RAB3GAP2: variants seen among roughly 807,000 people sequenced by gnomAD.
RAB3GAP2 encodes the protein rab3 GTPase-activating protein non-catalytic subunit.
In RAB3GAP2, 87 loss-of-function variants were observed where a neutral mutation model predicts 185.3. The observed-to-expected ratio is 0.47, with a 90% confidence interval of 0.39 to 0.56. RAB3GAP2 has a LOEUF of 0.56. Ranked by LOEUF, RAB3GAP2 falls within the 20% of genes least tolerant of loss-of-function variation. RAB3GAP2 has a pLI of 0.00. For synonymous variants in RAB3GAP2, 554 were observed against 576.1 expected (o/e 0.96, Z 0.55); for missense variants, 1,492 against 1,638.2 (o/e 0.91, Z 1.54).
chr1:220,180,928 G>T (rs903645215), intron 21 of RAB3GAP2, among the ~76,000 whole-genome samples: 3 of 152,002 alleles, frequency 2.0e-5, no homozygotes, highest in African/African-American at 7.3e-5. Context: ...TCAACTGTGA[G>T]TCAAAAATAT....
At chr1:220,215,573 G>A (rs987222923) in intron 2 of RAB3GAP2, among the ~76,000 whole-genome samples, 1 of 151,996 alleles carries the variant, frequency 6.6e-6, no homozygotes, top group Non-Finnish European at 1.5e-5. Flanking sequence ...TAGATTTCCT[G>A]TTGGGTTGAT....
Position 220,174,382 on chromosome 1 carries a change from C to A in RAB3GAP2, c.2311-1640G>T, listed in dbSNP as rs1487952723. ...TTTTTACCTCATCCCATATAGACACCCTTTAAAAAACTTTTTGTGGGTACA... is the reference window on the plus strand; with the variant it reads ...TTTTTACCTCATCCCATATAGACACACTTTAAAAAACTTTTTGTGGGTACA... On this transcript the variant is annotated intron_variant, in intron 21 of 34. Coordinates refer to ENST00000358951, the MANE Select transcript of RAB3GAP2 (RefSeq NM_012414.4). Among the ~76,000 whole-genome samples, 3 of 152,140 alleles carry A rather than the reference C, an allele frequency of 2.0e-5. No individual in the cohort carries two copies. In the South Asian group the frequency reaches 6.2e-4, roughly 32 times the overall value.
In RAB3GAP2 at chr1:220,164,799, C is replaced by T. The variant is rs770740537; in HGVS notation, c.3088G>A (p.Glu1030Lys). Residue 1030 changes from glutamate (E) to lysine (K), a missense_variant and splice_region_variant, in exon 27 of 35, where the codon GAA (glutamate) becomes AAA (lysine). Around this residue, in one of 5 missense-constraint regions of RAB3GAP2, gnomAD observed 387 missense variants for 455.3 expected, o/e 0.85. Coordinates refer to ENST00000358951, the MANE Select transcript of RAB3GAP2 (RefSeq NM_012414.4). ...YVVQWNKDPE[E>K]ARFFVRSIEH... Reference sequence around the variant, plus strand: ...ATTGACCTAACAAAAAAACGTGCTTCCTTACATACAGGGAGAAAAAAACGA... The same window carrying T: ...ATTGACCTAACAAAAAAACGTGCTTTCTTACATACAGGGAGAAAAAAACGA... 4.4e-6 allele frequency: 7 copies of T among 1,606,916 alleles called. No individual in the cohort carries two copies. The highest frequency in any genetic ancestry group is 1.7e-4 in the Middle Eastern group (1 of 6,036).
intron 1 of RAB3GAP2, chr1:220,267,776 G>C (rs561474726): frequency 4.6e-6 from 7 of 1,513,876 alleles, no homozygotes; most frequent in African/African-American, 1.4e-5. Flanking sequence ...AAGGACACAA[G>C]ACCCACTGAG....
rs148483869 is a variant in RAB3GAP2, at chr1:220,249,875, G to T, written c.116-17012C>A. 7.0e-4 allele frequency among the ~76,000 whole-genome samples: 107 copies of T among 152,310 alleles called. 2 individuals carry two copies. The East Asian group carries it at 0.01, about 15-fold the overall frequency. On this transcript the variant is annotated intron_variant, in intron 1 of 34. Transcript: ENST00000358951. ...GGGCCTGTGGGTGCATAGAAATCAAGAACTGAGGTTGAGGAACCTCTGCCT... is the reference window on the plus strand; with the variant it reads ...GGGCCTGTGGGTGCATAGAAATCAATAACTGAGGTTGAGGAACCTCTGCCT...
intron 7 of RAB3GAP2, among the ~76,000 whole-genome samples, chr1:220,207,126 C>T (rs528824217): frequency 9.8e-4 from 149 of 152,306 alleles, no homozygotes; most frequent in Admixed American, 3.2e-3. Flanking sequence ...AACATATTTT[C>T]ATCATTATAA....
intron 1 of RAB3GAP2, among the ~76,000 whole-genome samples, chr1:220,257,853 G>C (rs1282487350): frequency 6.6e-6 from 1 of 151,842 alleles, no homozygotes; most frequent in Non-Finnish European, 1.5e-5. Flanking sequence ...AAGAAGAAAA[G>C]AAAGAAGAAT....
intron 2 of RAB3GAP2, among the ~76,000 whole-genome samples, chr1:220,225,489 T>C (rs1486660895): frequency 6.6e-6 from 1 of 152,170 alleles, no homozygotes; most frequent in Non-Finnish European, 1.5e-5. Context: ...CATTGAAAGA[T>C]GCTTAGCAGA....
chr1:220,237,091 AAGCTCTG>A (rs758957953), intron 1 of RAB3GAP2, among the ~76,000 whole-genome samples: 13 of 152,232 alleles, frequency 8.5e-5, no homozygotes, highest in Non-Finnish European at 1.6e-4. Context: ...TGAAAGCCCT[AAGCTCTG>A]GTATAACTTA....
chr1:220,265,829 G>A (rs753108098), intron 1 of RAB3GAP2, among the ~76,000 whole-genome samples: 5 of 152,092 alleles, frequency 3.3e-5, no homozygotes, highest in Non-Finnish European at 5.9e-5. Context: ...GGAGACTGAG[G>A]TGGGAGGATC....
intron 18 of RAB3GAP2, among the ~76,000 whole-genome samples, chr1:220,184,400 G>A (rs1267226904): frequency 6.6e-6 from 1 of 151,994 alleles, no homozygotes; most frequent in Non-Finnish European, 1.5e-5. Flanking sequence ...AAAAAAGGAA[G>A]CGGAAATATC....
At position 220,169,644 on chromosome 1, in the gene RAB3GAP2, G is replaced by A. The variant is rs12091790; in HGVS notation, c.2806+1248C>T. 5.3e-5 allele frequency among the ~76,000 whole-genome samples: 8 copies of A among 152,194 alleles called. No individual in the cohort carries two copies. In the South Asian group the frequency reaches 1.2e-3, roughly 24 times the overall value. On this transcript the variant is annotated intron_variant, in intron 24 of 34. Coordinates refer to ENST00000358951, the MANE Select transcript of RAB3GAP2 (RefSeq NM_012414.4). Reference sequence around the variant, plus strand: ...GAGAAAGAAATAGAAAAATCAGTTGGATTCAAAGTCAAAAGTTATTGGAGA... The same window carrying A: ...GAGAAAGAAATAGAAAAATCAGTTGAATTCAAAGTCAAAAGTTATTGGAGA...
At chr1:220,235,809 T>C (rs1659580369) in intron 1 of RAB3GAP2, among the ~76,000 whole-genome samples, 1 of 152,232 alleles carries the variant, frequency 6.6e-6, no homozygotes, top group African/African-American at 2.4e-5. Context: ...AGTATCTCTC[T>C]ATGCCACAAT....
rs147718991 is a variant in RAB3GAP2, at chr1:220,241,811, T to C, written c.116-8948A>G. Among the ~76,000 whole-genome samples, 387 of 152,104 alleles carry C rather than the reference T, an allele frequency of 2.5e-3. 5 individuals are homozygous for C. In the East Asian group the frequency reaches 0.026, roughly 10 times the overall value. The stretch of plus-strand genomic sequence containing the variant: ...AGGGTTATATTACAAACATTAAAAA[T>C]GTACATGTCTATTATAATTCTGTTT... On this transcript the variant is annotated intron_variant, in intron 1 of 34. Transcript: ENST00000358951.
intron 17 of RAB3GAP2, 85 bp downstream of exon 17, chr1:220,189,618 T>G: frequency 7.5e-7 from 1 of 1,336,312 alleles, no homozygotes; most frequent in East Asian, 2.6e-5. Context: ...CTCTCATGTT[T>G]GGGGGAAATA....
chr1:220,246,336 T>C (rs1659815024), intron 1 of RAB3GAP2, among the ~76,000 whole-genome samples: 1 of 150,978 alleles, frequency 6.6e-6, no homozygotes, highest in South Asian at 2.1e-4. Context: ...TGTAAACTAG[T>C]TCAACCATTG....
chr1:220,161,761 A>G (rs1657967453), intron 28 of RAB3GAP2, among the ~76,000 whole-genome samples: 1 of 152,228 alleles, frequency 6.6e-6, no homozygotes, highest in African/African-American at 2.4e-5. Context: ...GACTCAGATT[A>G]CACAACAACT....
At position 220,214,945 on chromosome 1, in the gene RAB3GAP2, ATT is replaced by A. The variant is rs202199114; in HGVS notation, c.181-968_181-967del. Among the ~76,000 whole-genome samples, 138 of 17,552 alleles carry A rather than the reference ATT, an allele frequency of 7.9e-3. 1 individual carries two copies. The Middle Eastern group carries it at 0.095, about 12-fold the overall frequency. 11.5% of individuals were successfully genotyped at this position (17,552 alleles called of 152,430 possible). ...CCCTTTTTCTTACAAGAATAGTAGC[ATT>A]ATATATATATATATATATATATATA... On this transcript the variant is annotated intron_variant, in intron 2 of 34. Transcript: ENST00000358951.
At chr1:220,153,067 C>G in intron 33 of RAB3GAP2, 118 bp downstream of exon 33, 1 of 786,060 alleles carries the variant, frequency 1.3e-6, no homozygotes. Context: ...TATTTTTATA[C>G]CTAGATGTTC....
Sources: gnomAD v4.1 joint callset for allele counts (sites outside exome capture counted in the v4.1 genomes callset) on GRCh38, gnomAD v4.1.1 for gene constraint, gnomAD v4.1.1 regional missense constraint, MANE v1.5 for transcripts, NCBI Gene and HGNC (gene_info 2026-07-23, HGNC 2026-07-21) for gene names.